The following NRXN3 variants were observed in gnomAD, a reference collection of about 807,000 sequenced individuals.
NRXN3 encodes neurexin III.
NRXN3 carries 32 observed loss-of-function variants against 137.6 expected under a neutral mutation model. The ratio of observed to expected loss-of-function variants is 0.23; its 90% confidence interval spans 0.18 to 0.31. NRXN3 has a LOEUF of 0.31. Ranked by LOEUF, NRXN3 falls within the 10% of genes least tolerant of loss-of-function variation. The pLI is 1.00. For synonymous variants in NRXN3, 798 were observed against 784.5 expected (o/e 1.02, Z -0.29); for missense variants, 1,574 against 2,062.5 (o/e 0.76, Z 4.59).
At chr14:79,127,356 G>A (rs950619677) in intron 15 of NRXN3, among the ~76,000 whole-genome samples, 1 of 152,014 alleles carries the variant, frequency 6.6e-6, no homozygotes, top group Non-Finnish European at 1.5e-5. Context: ...TTTTGTATAA[G>A]GTGTAAGGAA....
At chr14:79,109,439 C>A (rs1223939269) in intron 15 of NRXN3, among the ~76,000 whole-genome samples, 1 of 152,174 alleles carries the variant, frequency 6.6e-6, no homozygotes, top group Non-Finnish European at 1.5e-5. Context: ...GAAAAATTTT[C>A]AGCAAAGGCA....
At position 79,101,641 on chromosome 14, in the gene NRXN3, C is replaced by T. The variant is rs548880666; in HGVS notation, c.3262+113500C>T. Among the ~76,000 whole-genome samples the T allele has an allele frequency of 4.9e-4, 75 of 152,294 alleles. 1 individual carries two copies. The South Asian group carries it at 7.3e-3, about 15-fold the overall frequency. On this transcript the variant is annotated intron_variant, in intron 15 of 20. Transcript: ENST00000335750. ...GCAAACATCTTCTCCATCCTGTGTG[C>T]GGCATGAAGCCAGAGCACTGGACTG...
chr14:78,226,351 G>A (rs904439370), intron 1 of NRXN3, among the ~76,000 whole-genome samples: 6 of 152,088 alleles, frequency 3.9e-5, no homozygotes, highest in Non-Finnish European at 5.9e-5. Context: ...GAATAAGGGC[G>A]CGTTGTGTTG....
At chr14:78,847,715 AC>A (rs1185411143) in intron 10 of NRXN3, among the ~76,000 whole-genome samples, 4 of 152,060 alleles carry the variant, frequency 2.6e-5, no homozygotes, top group African/African-American at 9.7e-5. Context: ...AATTCCGATT[AC>A]CCTTCCCCTT....
chr14:78,457,981 T>C (rs900407525), intron 4 of NRXN3, among the ~76,000 whole-genome samples: 2 of 152,070 alleles, frequency 1.3e-5, no homozygotes, highest in African/African-American at 4.8e-5. Flanking sequence ...GTTTAGAAAA[T>C]TCTCTGACCT....
intron 20 of NRXN3, among the ~76,000 whole-genome samples, chr14:79,839,304 A>C (rs1421892764): frequency 1.3e-5 from 2 of 152,044 alleles, no homozygotes; most frequent in African/African-American, 4.8e-5. Flanking sequence ...CCTCCCCTAA[A>C]CTTGAACAGG....
intron 16 of NRXN3, among the ~76,000 whole-genome samples, chr14:79,503,291 A>G (rs2096842836): frequency 6.6e-6 from 1 of 152,170 alleles, no homozygotes; most frequent in African/African-American, 2.4e-5. Flanking sequence ...GTAAATTGAT[A>G]ACACCATTTG....
chr14:79,547,637 C>T (rs749813646), intron 16 of NRXN3, among the ~76,000 whole-genome samples: 3 of 152,078 alleles, frequency 2.0e-5, no homozygotes, highest in Non-Finnish European at 4.4e-5. Context: ...CATGCTGGTG[C>T]TCAGAGGGAA....
At chr14:78,983,855 A>T (rs1331420222) in intron 14 of NRXN3, among the ~76,000 whole-genome samples, 7 of 114,082 alleles carry the variant, frequency 6.1e-5, no homozygotes, top group Non-Finnish European at 8.2e-5. Flanking sequence ...GATTCCATTT[A>T]AAAAAAAAAA....
At chr14:79,454,640 A>G (rs1193536633) in intron 15 of NRXN3, among the ~76,000 whole-genome samples, 1 of 152,196 alleles carries the variant, frequency 6.6e-6, no homozygotes, top group Non-Finnish European at 1.5e-5. Flanking sequence ...GATAATGAAC[A>G]TCTCTATTTT....
chr14:79,407,716 CCTT>C (rs2095341363), intron 15 of NRXN3, among the ~76,000 whole-genome samples: 1 of 152,048 alleles, frequency 6.6e-6, no homozygotes. Context: ...GCAGTTGAAT[CCTT>C]CTCAAACTCA....
chr14:78,994,635 A>G (rs1280564226), intron 15 of NRXN3, among the ~76,000 whole-genome samples: 1 of 152,242 alleles, frequency 6.6e-6, no homozygotes, highest in East Asian at 1.9e-4. Flanking sequence ...GATAAAAGAA[A>G]TCAAAGCATA....
intron 10 of NRXN3, among the ~76,000 whole-genome samples, chr14:78,916,010 G>A (rs567150786): frequency 6.6e-6 from 1 of 152,222 alleles, no homozygotes; most frequent in South Asian, 2.1e-4. Flanking sequence ...TCCAAGATAA[G>A]ACACTCTTGT....
chr14:79,728,361 C>T (rs934652763), intron 19 of NRXN3, among the ~76,000 whole-genome samples: 1 of 152,196 alleles, frequency 6.6e-6, no homozygotes, highest in South Asian at 2.1e-4. Context: ...GTTGGAAGTC[C>T]CAGTTGACAG....
intron 16 of NRXN3, among the ~76,000 whole-genome samples, chr14:79,591,502 TAAAAC>T (rs1361767864): frequency 3.3e-5 from 5 of 152,180 alleles, no homozygotes; most frequent in African/African-American, 1.2e-4. Flanking sequence ...AAGCTTAAGT[TAAAAC>T]AAATCTGCAA....
chr14:78,622,415 T>G (rs1432049435), intron 4 of NRXN3, among the ~76,000 whole-genome samples: 1 of 152,196 alleles, frequency 6.6e-6, no homozygotes, highest in African/African-American at 2.4e-5. Context: ...TGTTTTTTGT[T>G]TGTTTGTTTG....
At chr14:79,600,086 A>C (rs1567622042) in intron 16 of NRXN3, among the ~76,000 whole-genome samples, 1 of 152,214 alleles carries the variant, frequency 6.6e-6, no homozygotes, top group African/African-American at 2.4e-5. Context: ...AACTGAACTT[A>C]GAAGTTAAAG....
At chr14:78,286,058 C>T (rs894113823) in intron 3 of NRXN3, among the ~76,000 whole-genome samples, 6 of 152,096 alleles carry the variant, frequency 3.9e-5, no homozygotes, top group African/African-American at 1.2e-4. Flanking sequence ...TTTCTAGAGC[C>T]GTTAGAAATC....
chr14:79,783,027 G>T (rs1160797403), intron 19 of NRXN3, among the ~76,000 whole-genome samples: 1 of 152,122 alleles, frequency 6.6e-6, no homozygotes, highest in Non-Finnish European at 1.5e-5. Flanking sequence ...CTCAGGTAAG[G>T]TCCCTCTGTT....
Sources: gnomAD v4.1 joint callset for allele counts (sites outside exome capture counted in the v4.1 genomes callset) on GRCh38, gnomAD v4.1.1 for gene constraint, MANE v1.5 for transcripts, NCBI Gene and HGNC (gene_info 2026-07-23, HGNC 2026-07-21) for gene names.